HECTD4: variants seen among roughly 807,000 people sequenced by gnomAD.
HECTD4 encodes HECT domain E3 ubiquitin protein ligase 4.
HECTD4 carries 114 observed loss-of-function variants against 471.5 expected under a neutral mutation model. The observed-to-expected ratio is 0.24, with a 90% CI of 0.21 to 0.28. HECTD4 has a LOEUF of 0.28. Ranked by LOEUF, HECTD4 falls within the 10% of genes least tolerant of loss-of-function variation. The probability of loss-of-function intolerance (pLI) is 1.00; values close to 1 mark genes in which losing one functional copy is unlikely to be tolerated. For synonymous variants in HECTD4, 2,012 were observed against 2,256.0 expected, an observed-to-expected ratio of 0.89 and a Z score of 3.07; for missense variants, 3,866 against 5,651.5, an observed-to-expected ratio of 0.68 and a Z score of 10.13.
intron 1 of HECTD4, among the ~76,000 whole-genome samples, chr12:112,337,458 T>A (rs952850359): frequency 2.0e-5 from 3 of 152,152 alleles, no homozygotes; most frequent in Admixed American, 1.3e-4. Flanking sequence ...CTCTTACCAA[T>A]CTATGTTTAG....
At chr12:112,289,858 G>T (rs896928985) in intron 7 of HECTD4, among the ~76,000 whole-genome samples, 5 of 151,992 alleles carry the variant, frequency 3.3e-5, no homozygotes, top group Non-Finnish European at 1.5e-5. Flanking sequence ...TGTATTTTTA[G>T]TAGAGACAGG....
chr12:112,209,919 G>T (rs2135542418), intron 50 of HECTD4, 96 bp downstream of exon 50: 1 of 1,024,662 alleles, frequency 9.8e-7, no homozygotes, highest in Non-Finnish European at 1.5e-6. Flanking sequence ...ACTCCTGATT[G>T]TAATGAGGAT....
rs1295867010 is a variant in HECTD4 at position 112,184,919 on chromosome 12, C to T, written c.10047G>A (p.Glu3349=). The T allele has an allele frequency of 6.2e-7, 1 of 1,613,638 alleles. No individual in the cohort carries two copies. Among genetic ancestry groups the T allele is most frequent in the Non-Finnish European group, 8.5e-7 (1 of 1,179,808 alleles). Residue 3349 remains glutamate (E), a synonymous_variant, in exon 61 of 76, where the codon GAG becomes GAA. Coordinates refer to ENST00000682272, the MANE Select transcript of HECTD4 (RefSeq NM_001388303.1). This position sits in a 1 kb window ranked among gnomAD's most constrained non-coding sequence, Gnocchi z 9.1. ...GTGCGCGGTGGAACCACAGCATGTC[C>T]TCGGGCTTGCTGCCTCCGATGCTGA... The part of the protein sequence containing the change: ...TVLSIGGSKP[E]DMLWFHRALT...
At chr12:112,258,885 C>A in intron 19 of HECTD4, 1 of 575,086 alleles carries the variant, frequency 1.7e-6, no homozygotes, top group Non-Finnish European at 3.0e-6. Context: ...GCTGATCAGC[C>A]ATGAACACTT....
intron 8 of HECTD4, among the ~76,000 whole-genome samples, chr12:112,279,984 G>T (rs1340906633): frequency 1.3e-5 from 2 of 152,106 alleles, no homozygotes; most frequent in African/African-American, 2.4e-5. Flanking sequence ...CACTCAAAAA[G>T]TTTCAGATTT....
In HECTD4 at chr12:112,193,869, A is replaced by G. The variant is rs1168115477; in HGVS notation, c.8750-195T>C. The stretch of plus-strand genomic sequence containing the variant: ...TGGTGGAGGGGGACCCAGGAGATCA[A>G]TGGGCTTCATACTTTTGCTTTCTTT... On this transcript the variant is annotated intron_variant, in intron 56 of 75. Transcript: ENST00000682272. The surrounding 1 kb of genome is among the most constrained non-coding windows in gnomAD (Gnocchi z 5.2). 6.6e-6 allele frequency among the ~76,000 whole-genome samples: 1 copy of G among 152,158 alleles called. No homozygotes were observed. Among genetic ancestry groups the G allele is most frequent in the Non-Finnish European group, 1.5e-5 (1 of 68,016 alleles).
chr12:112,246,451 T>G (rs2033763300), intron 29 of HECTD4, among the ~76,000 whole-genome samples: 1 of 151,980 alleles, frequency 6.6e-6, no homozygotes, highest in South Asian at 2.1e-4. Flanking sequence ...CTAGCCAACA[T>G]AGTGAAACCC....
Position 112,228,114 on chromosome 12 carries a change from G to A in HECTD4, c.6829C>T (p.Arg2277Trp), listed in dbSNP as rs1277148508. The change falls in exon 43 of 76, where the codon CGG becomes TGG. Residue 2277 changes from arginine (R) to tryptophan (W), a missense_variant. Around this residue, in one of 16 missense-constraint regions of HECTD4, gnomAD observed 617 missense variants for 915.1 expected, o/e 0.67. Coordinates refer to ENST00000682272, the MANE Select transcript of HECTD4 (RefSeq NM_001388303.1). The surrounding 1 kb of genome is among the most constrained non-coding windows in gnomAD (Gnocchi z 4.9). ...DGSAPVMAVV[R>W]LLAEIRTRAC... ...CTTGTCCTTATTTCAGCAAGGAGCC[G>A]AACGACTGCCATCACAGGAGCTGAC... 2.5e-6 allele frequency: 4 copies of A among 1,613,144 alleles called. No homozygotes were observed. The highest frequency in any genetic ancestry group is 3.4e-6 in the Non-Finnish European group (4 of 1,179,538).
chr12:112,268,058 G>C (rs11066224), intron 13 of HECTD4, among the ~76,000 whole-genome samples: 2 of 151,924 alleles, frequency 1.3e-5, no homozygotes, highest in Non-Finnish European at 2.9e-5. Flanking sequence ...ACTTGGCCTC[G>C]GCGATCCACC....
intron 32 of HECTD4, among the ~76,000 whole-genome samples, chr12:112,241,178 A>ATT (rs202238133): frequency 6.6e-6 from 1 of 150,966 alleles, no homozygotes; most frequent in Admixed American, 6.6e-5. Context: ...CATTTTCTAC[A>ATT]TTTTTTTTTC....
intron 4 of HECTD4, among the ~76,000 whole-genome samples, chr12:112,309,934 C>T (rs558432887): frequency 4.6e-5 from 7 of 151,438 alleles, no homozygotes; most frequent in Admixed American, 4.0e-4. Flanking sequence ...GTTTTTCTTT[C>T]TTTTTTTTTG....
At chr12:112,207,818 A>C in intron 52 of HECTD4, 56 bp downstream of exon 52, 1 of 1,582,996 alleles carries the variant, frequency 6.3e-7, no homozygotes, top group Admixed American at 1.8e-5. Flanking sequence ...ATTTTCATCC[A>C]GCTCCTCACT....
chr12:112,258,583 A>C lies in HECTD4; in HGVS notation c.3041T>G (p.Leu1014Arg), dbSNP rs1484664473. 6.2e-7 allele frequency: 1 copy of C among 1,602,710 alleles called. No individual in the cohort carries two copies. Among genetic ancestry groups the C allele is most frequent in the Non-Finnish European group, 8.5e-7 (1 of 1,175,860 alleles). ...AGCAAAAACCGGACACTGGGTTTTA[A>C]GCAGCAACGCCGTCTGAAACACAAA... ...VLYTSQTALL[L>R]KTQCPVFAEV... Residue 1014 changes from leucine to arginine, a missense_variant, in exon 20 of 76, where the codon CTT becomes CGT. Physicochemically the swap from Leu to Arg is moderately radical, Grantham distance 102 (BLOSUM62 -2). This residue lies in a region of HECTD4 where 525 missense variants were observed against 672.6 expected (regional missense o/e 0.78). Coordinates refer to ENST00000682272, the MANE Select transcript of HECTD4 (RefSeq NM_001388303.1).
intron 64 of HECTD4, among the ~76,000 whole-genome samples, 176 bp downstream of exon 64, chr12:112,178,755 C>A (rs747536328): frequency 2.0e-5 from 3 of 152,330 alleles, no homozygotes. Context: ...TCGCTTGAGC[C>A]CGGCTGCAGT....
chr12:112,226,561 C>T, intron 44 of HECTD4, 82 bp downstream of exon 44: 1 of 829,928 alleles, frequency 1.2e-6, no homozygotes, highest in South Asian at 1.7e-5. Flanking sequence ...TGTATGAAGA[C>T]ACTTAACATA....
intron 1 of HECTD4, among the ~76,000 whole-genome samples, chr12:112,324,037 C>T (rs370699524): frequency 0.13 from 2,630 of 19,538 alleles, 676 homozygotes; most frequent in East Asian, 0.81. Flanking sequence ...TTCCTTCCTT[C>T]CTTCCTTCCT....
At position 112,167,923 on chromosome 12, in the gene HECTD4, GGACA is replaced by G. The variant is rs1358785862; in HGVS notation, c.12209-10_12209-7del. 2.5e-6 allele frequency: 4 copies of G among 1,611,750 alleles called. No individual in the cohort carries two copies. The African/African-American group carries it at 4.0e-5, about 16-fold the overall frequency. On this transcript the variant is annotated splice_region_variant and splice_polypyrimidine_tract_variant and intron_variant, in intron 70 of 75. Coordinates refer to ENST00000682272, the MANE Select transcript of HECTD4 (RefSeq NM_001388303.1). Reference sequence around the variant, plus strand: ...GAAGTGGCGGAAAGAGCCGCCTGTAGGACAGACGAGACACATGGGCACCTGGGGT... The same window carrying G: ...GAAGTGGCGGAAAGAGCCGCCTGTAGGACGAGACACATGGGCACCTGGGGT...
In HECTD4 at chr12:112,232,386, T is replaced by A. The variant is rs576383722; in HGVS notation, c.5997+618A>T. Reference sequence around the variant, plus strand: ...CTCAGGTGATCCACCTGCCTTGGTGTCTCAAAGTGCTGGGATTACAGGCGT... The same window carrying A: ...CTCAGGTGATCCACCTGCCTTGGTGACTCAAAGTGCTGGGATTACAGGCGT... On this transcript the variant is annotated intron_variant, in intron 38 of 75. Transcript: ENST00000682272. 4.6e-5 allele frequency among the ~76,000 whole-genome samples: 7 copies of A among 152,348 alleles called. No individual in the cohort carries two copies. In the East Asian group the frequency reaches 7.7e-4, roughly 17 times the overall value.
intron 1 of HECTD4, among the ~76,000 whole-genome samples, chr12:112,332,767 A>C (rs897761911): frequency 6.6e-6 from 1 of 151,514 alleles, no homozygotes; most frequent in Non-Finnish European, 1.5e-5. Flanking sequence ...AGTATAATAC[A>C]TTCACATTTC....
Sources: gnomAD v4.1 joint callset for allele counts (sites outside exome capture counted in the v4.1 genomes callset) on GRCh38, gnomAD v4.1.1 for gene constraint, gnomAD v4.1.1 regional missense constraint, Gnocchi (gnomAD v3.1) non-coding constraint, MANE v1.5 for transcripts, NCBI Gene and HGNC (gene_info 2026-07-23, HGNC 2026-07-21) for gene names.